RBPJ: variants seen among roughly 807,000 people sequenced by gnomAD.
RBPJ encodes the protein recombination signal binding protein for immunoglobulin kappa J region, also known as recombining binding protein suppressor of hairless.
Under a neutral mutation model 67.8 loss-of-function variants are expected in RBPJ, and 9 were observed. That is an observed-to-expected ratio of 0.13 (90% CI 0.08 to 0.23). The LOEUF (loss-of-function observed/expected upper bound fraction) is 0.23. Ranked by LOEUF, RBPJ falls within the 10% of genes least tolerant of loss-of-function variation. RBPJ has a pLI of 1.00. For synonymous variants in RBPJ, 198 were observed against 203.3 expected (o/e 0.97, Z 0.22); for missense variants, 305 against 595.6 (o/e 0.51, Z 5.08).
At chr4:26,167,938 C>T (rs6829352) in intron 1 of RBPJ, among the ~76,000 whole-genome samples, 84,700 of 151,346 alleles carry the variant, frequency 0.56, 24,163 homozygotes, top group South Asian at 0.67. Flanking sequence ...GATCTTCCTC[C>T]ATCCTTTTAT....
chr4:26,420,195 A>AT (rs901187715), intron 4 of RBPJ, among the ~76,000 whole-genome samples: 6 of 151,516 alleles, frequency 4.0e-5, no homozygotes, highest in Admixed American at 6.6e-5. Flanking sequence ...AAAGTCATTG[A>AT]TTTTTTTTAA....
At chr4:26,302,194 C>G (rs192955135) in intron 1 of RBPJ, among the ~76,000 whole-genome samples, 16 of 152,308 alleles carry the variant, frequency 1.1e-4, no homozygotes, top group Admixed American at 6.5e-4. Flanking sequence ...CCTGATGGAA[C>G]CTTAGCCATT....
At chr4:26,150,602 C>T in the RBPJ span, among the ~76,000 whole-genome samples, 8 of 151,894 alleles carry the variant, frequency 5.3e-5, no homozygotes, top group South Asian at 6.2e-4. Context: ...TTTTCCCATC[C>T]GAAAAAAAGG....
intron 1 of RBPJ, among the ~76,000 whole-genome samples, chr4:26,226,846 G>A (rs1467543357): frequency 6.6e-6 from 1 of 152,122 alleles, no homozygotes; most frequent in Non-Finnish European, 1.5e-5. Context: ...CAATAAAACT[G>A]GTTTAATGAG....
At chr4:26,428,914 A>G in intron 8 of RBPJ, 54 bp downstream of exon 8, 1 of 1,406,770 alleles carries the variant, frequency 7.1e-7, no homozygotes, top group Non-Finnish European at 9.9e-7. Flanking sequence ...TGAGGTTAGC[A>G]GCTTGCAAAA....
intron 1 of RBPJ, among the ~76,000 whole-genome samples, chr4:26,379,455 C>A (rs182594005): frequency 4.1e-4 from 62 of 152,186 alleles, no homozygotes; most frequent in South Asian, 1.2e-3. Context: ...GCTGGGGAGG[C>A]CTCAGGAAAC....
rs755458641 is a variant in RBPJ at position 26,341,612 on chromosome 4, T to TCAAAA, written c.20+20585_20+20589dup. ...CTGGGTGACAGAGTGAGACTCCATCTCAAAACAAAACAAAACAAAACAAAA... is the reference window on the plus strand; with the variant it reads ...CTGGGTGACAGAGTGAGACTCCATCTCAAAACAAAACAAAACAAAACAAAACAAAA... On this transcript the variant is annotated intron_variant, in intron 1 of 10. Transcript: ENST00000355476. Among the ~76,000 whole-genome samples the TCAAAA allele has an allele frequency of 7.0e-4, 105 of 150,814 alleles. 1 individual carries two copies. The highest frequency in any genetic ancestry group is 2.5e-3 in the African/African-American group (101 of 41,100).
chr4:26,186,581 C>T (rs1033544048), intron 1 of RBPJ, among the ~76,000 whole-genome samples: 1 of 152,154 alleles, frequency 6.6e-6, no homozygotes, highest in Non-Finnish European at 1.5e-5. Context: ...GGCAGCCTCT[C>T]TAAGACAAAC....
intron 1 of RBPJ, among the ~76,000 whole-genome samples, chr4:26,307,835 C>T (rs1722286093): frequency 6.6e-6 from 1 of 152,192 alleles, no homozygotes; most frequent in African/African-American, 2.4e-5. Context: ...GAAATATTAA[C>T]AATACCTTAA....
chr4:26,347,979 A>G (rs1577490306), intron 1 of RBPJ, among the ~76,000 whole-genome samples: 1 of 128,542 alleles, frequency 7.8e-6, no homozygotes, highest in South Asian at 2.4e-4. Context: ...TTTTTTTTTT[A>G]AGATGGAGTT....
chr4:26,139,936 C>T, the RBPJ span, among the ~76,000 whole-genome samples: 1 of 152,320 alleles, frequency 6.6e-6, no homozygotes, highest in Non-Finnish European at 1.5e-5. Context: ...TGTTCTCTGG[C>T]TGTAGGTCAT....
At chr4:26,397,929 G>A (rs780485239) in intron 2 of RBPJ, among the ~76,000 whole-genome samples, 5 of 152,092 alleles carry the variant, frequency 3.3e-5, no homozygotes, top group African/African-American at 7.2e-5. Flanking sequence ...CACCTTGCCC[G>A]GCATTGTAAC....
chr4:26,287,229 G>A (rs1415267623), intron 1 of RBPJ, among the ~76,000 whole-genome samples: 6 of 151,892 alleles, frequency 4.0e-5, no homozygotes, highest in African/African-American at 1.5e-4. Flanking sequence ...AGTATTTTAG[G>A]TCATTGGAAA....
At chr4:26,391,337 A>G (rs1731480499) in intron 2 of RBPJ, among the ~76,000 whole-genome samples, 1 of 152,244 alleles carries the variant, frequency 6.6e-6, no homozygotes, top group Non-Finnish European at 1.5e-5. Flanking sequence ...ATAGTTCTTC[A>G]GATACGTGGT....
the RBPJ span, among the ~76,000 whole-genome samples, chr4:26,137,700 T>C: frequency 6.6e-6 from 1 of 152,260 alleles, no homozygotes; most frequent in Non-Finnish European, 1.5e-5. Context: ...GGAAAACATG[T>C]ACCTCATTTC....
intron 2 of RBPJ, among the ~76,000 whole-genome samples, chr4:26,399,785 A>G (rs1353946767): frequency 6.6e-6 from 1 of 152,012 alleles, no homozygotes; most frequent in Non-Finnish European, 1.5e-5. Context: ...TCCTGGGTTC[A>G]AGCAATTCCC....
chr4:26,392,874 T>C (rs934140778), intron 2 of RBPJ, among the ~76,000 whole-genome samples: 2 of 152,260 alleles, frequency 1.3e-5, no homozygotes, highest in African/African-American at 4.8e-5. Context: ...TCTAAAATAT[T>C]CTGAAAGGGA....
intron 1 of RBPJ, among the ~76,000 whole-genome samples, chr4:26,182,285 T>G (rs1236568648): frequency 6.6e-6 from 1 of 151,896 alleles, no homozygotes; most frequent in Non-Finnish European, 1.5e-5. Flanking sequence ...GAGCTTGCAG[T>G]GAGCCGAGAT....
At position 26,209,283 on chromosome 4, in the gene RBPJ, G is replaced by C. The variant is rs979405213; in HGVS notation, c.-167+45669G>C. ...CTTCCAAAATATGATCTTTGCTGAT[G>C]TGGTGACTTTTGGTTTTCTTTCTCA... On this transcript the variant is annotated intron_variant, in intron 1 of 4. Transcript: ENST00000512351. Among the ~76,000 whole-genome samples the C allele has an allele frequency of 3.3e-5, 5 of 152,152 alleles. No individual in the cohort carries two copies. In the Middle Eastern group the frequency reaches 0.01, roughly 311 times the overall value.
Sources: gnomAD v4.1 joint callset for allele counts (sites outside exome capture counted in the v4.1 genomes callset) on GRCh38, gnomAD v4.1.1 for gene constraint, MANE v1.5 for transcripts, NCBI Gene and HGNC (gene_info 2026-07-23, HGNC 2026-07-21) for gene names.